MTO1: variants seen among roughly 807,000 people sequenced by gnomAD.
MTO1 encodes mitochondrial tRNA translation optimization 1.
Under a neutral mutation model 71.6 loss-of-function variants are expected in MTO1, and 46 were observed. The observed-to-expected ratio is 0.64, with a 90% CI of 0.51 to 0.82. The LOEUF is 0.82. Among genes scored for constraint, MTO1 ranks in the 40% least tolerant of loss-of-function variants. MTO1 has a pLI of 0.00. For missense variants in MTO1, 773 were observed against 867.5 expected, an observed-to-expected ratio of 0.89 and a Z score of 1.37; for synonymous variants, 297 against 312.1, an observed-to-expected ratio of 0.95 and a Z score of 0.51.
chr6:73,468,814 G>A (rs1771069096), intron 3 of MTO1, among the ~76,000 whole-genome samples: 1 of 151,864 alleles, frequency 6.6e-6, no homozygotes, highest in African/African-American at 2.4e-5. Context: ...TACCATGTTG[G>A]CCAGGCTGGT....
intron 3 of MTO1, among the ~76,000 whole-genome samples, chr6:73,469,098 T>C (rs895685326): frequency 6.6e-6 from 1 of 152,100 alleles, no homozygotes; most frequent in African/African-American, 2.4e-5. Context: ...AGCCTCCACC[T>C]CCCAGAGGTG....
chr6:73,497,987 CT>C, intron 11 of MTO1, 91 bp downstream of exon 11: 1 of 1,131,328 alleles, frequency 8.8e-7, no homozygotes, highest in Non-Finnish European at 1.2e-6. Flanking sequence ...GGCCATATAA[CT>C]AATGTTTTAT....
In MTO1 at chr6:73,461,787, C is replaced by G; in HGVS notation, c.-68C>G. ...GATGGCCGCGCCCTGCAGATTGTCTCTTGTTGCGTAAGTTTTTTTGACCGT... is the reference window on the plus strand; with the variant it reads ...GATGGCCGCGCCCTGCAGATTGTCTGTTGTTGCGTAAGTTTTTTTGACCGT... On this transcript the variant is annotated 5_prime_UTR_variant, in exon 1 of 12. Coordinates refer to ENST00000498286, the MANE Select transcript of MTO1 (RefSeq NM_012123.4). 1.3e-6 allele frequency: 2 copies of G among 1,530,850 alleles called. No individual in the cohort carries two copies. The highest frequency in any genetic ancestry group is 1.8e-6 in the Non-Finnish European group (2 of 1,114,474). The allele number at this position is 1,530,850 out of a possible 1,614,324, so 94.8% of individuals were successfully genotyped here. A position where few individuals can be genotyped will look rare whatever the true frequency, so the allele number is the denominator to read the frequency against.
At chr6:73,463,527 G>C (rs1392250446) in intron 1 of MTO1, among the ~76,000 whole-genome samples, 1 of 152,184 alleles carries the variant, frequency 6.6e-6, no homozygotes, top group African/African-American at 2.4e-5. Flanking sequence ...TTGCTTAGGA[G>C]CGAGCAGTAA....
intron 7 of MTO1, among the ~76,000 whole-genome samples, 169 bp from the exon 8 acceptor site, chr6:73,481,871 C>G (rs1426505723): frequency 6.6e-6 from 1 of 152,056 alleles, no homozygotes; most frequent in African/African-American, 2.4e-5. Flanking sequence ...GATATATTAC[C>G]CATATTCTAT....
chr6:73,473,015 C>T (rs1233362476), intron 3 of MTO1, among the ~76,000 whole-genome samples: 1 of 152,178 alleles, frequency 6.6e-6, no homozygotes, highest in Non-Finnish European at 1.5e-5. Flanking sequence ...GTGGCTCACG[C>T]CTGTAAGTAA....
chr6:73,482,395 A>G, intron 8 of MTO1, 54 bp from the exon 9 acceptor site: 1 of 1,570,574 alleles, frequency 6.4e-7, no homozygotes. Flanking sequence ...CTCTACAAAA[A>G]AATTTGCTTT....
Position 73,466,593 on chromosome 6 carries a change from T to G in MTO1, c.522T>G (p.Ser174Arg). ...AACACACTGGGAAATGCCGTGTCAG[T>G]GGGGTTGTTTTGGGTACGTATTGGT... ...EPEHTGKCRV[S>R]GVVLVDGSTV... The change falls in exon 3 of 12, where the codon AGT (serine) becomes AGG (arginine). Residue 174 changes from serine to arginine, a missense_variant. Physicochemically the swap from Ser to Arg is moderately radical, Grantham distance 110. Coordinates refer to ENST00000498286, the MANE Select transcript of MTO1 (RefSeq NM_012123.4). 6.2e-7 allele frequency: 1 copy of G among 1,613,912 alleles called. No individual in the cohort carries two copies. Among genetic ancestry groups the G allele is most frequent in the African/African-American group, 1.3e-5 (1 of 75,022 alleles).
chr6:73,468,694 A>G (rs1461459374), intron 3 of MTO1, among the ~76,000 whole-genome samples: 1 of 150,594 alleles, frequency 6.6e-6, no homozygotes, highest in Non-Finnish European at 1.5e-5. Flanking sequence ...TGCAACCTCC[A>G]TCTCCCAGGT....
intron 1 of MTO1, 163 bp downstream of exon 1, chr6:73,462,234 C>A (rs932739144): frequency 1.3e-6 from 1 of 743,160 alleles, no homozygotes; most frequent in Non-Finnish European, 2.2e-6. Flanking sequence ...ATCAGGCGGG[C>A]CAGGCCAGAA....
At chr6:73,478,573 C>T (rs1012777114) in intron 4 of MTO1, among the ~76,000 whole-genome samples, 1 of 152,142 alleles carries the variant, frequency 6.6e-6, no homozygotes, top group Admixed American at 6.6e-5. Flanking sequence ...CAGAGTCTTG[C>T]CCAGGCTAGA....
chr6:73,481,829 TCTGAAAACA>T (rs1771502384), intron 7 of MTO1, among the ~76,000 whole-genome samples: 2 of 152,096 alleles, frequency 1.3e-5, no homozygotes, highest in African/African-American at 2.4e-5. Context: ...GATGGATATC[TCTGAAAACA>T]ATGAATCATA....
chr6:73,468,278 C>T lies in MTO1; in HGVS notation c.535+1672C>T, dbSNP rs573244911. Among the ~76,000 whole-genome samples the T allele has an allele frequency of 3.1e-4, 47 of 151,918 alleles. 1 individual carries two copies. Among genetic ancestry groups the T allele is most frequent in the East Asian group, 9.8e-4 (5 of 5,128 alleles). On this transcript the variant is annotated intron_variant, in intron 3 of 11. Transcript: ENST00000498286. ...GGTTACAGGCGACTGCCACCATGCC[C>T]GGCTAATTTTTTGTATTTTTAGTAG...
intron 3 of MTO1, among the ~76,000 whole-genome samples, chr6:73,470,149 G>A (rs1332953770): frequency 6.6e-6 from 1 of 152,124 alleles, no homozygotes; most frequent in Admixed American, 6.6e-5. Context: ...GGTAAGAGAG[G>A]CTGTGCCAGG....
At chr6:73,475,914 G>A (rs1188536812) in intron 4 of MTO1, among the ~76,000 whole-genome samples, 2 of 152,130 alleles carry the variant, frequency 1.3e-5, no homozygotes, top group Non-Finnish European at 2.9e-5. Flanking sequence ...CTTTTGAAAC[G>A]ATATCAGGTG....
chr6:73,473,288 A>T, intron 3 of MTO1, 77 bp from the exon 4 acceptor site: 1 of 1,371,690 alleles, frequency 7.3e-7, no homozygotes. Context: ...AGATAGATAG[A>T]TAGATAGATA....
chr6:73,492,103 CAAAAAA>C, intron 9 of MTO1, 125 bp from the exon 10 acceptor site: 1 of 485,020 alleles, frequency 2.1e-6, no homozygotes. Context: ...GACTCCATCT[CAAAAAA>C]AAAAAAAAAG....
At position 73,492,676 on chromosome 6, in the gene MTO1, G is replaced by A. The variant is rs115573605; in HGVS notation, c.1756+324G>A. 1,768 of 230,632 alleles carry A rather than the reference G, an allele frequency of 7.7e-3. 29 individuals are homozygous for A. The highest frequency in any genetic ancestry group is 0.037 in the African/African-American group (1,652 of 44,716). 14.3% of individuals were successfully genotyped at this position (230,632 alleles called of 1,614,324 possible). ...AAAATACAAAAAATTAGCTGGATGT[G>A]AAGATACATGCCTGTAGTGCCAACT... On this transcript the variant is annotated intron_variant, in intron 10 of 11. Coordinates refer to ENST00000498286, the MANE Select transcript of MTO1 (RefSeq NM_012123.4).
chr6:73,498,079 G>A (rs1415084421), intron 11 of MTO1, among the ~76,000 whole-genome samples, 183 bp downstream of exon 11: 1 of 152,078 alleles, frequency 6.6e-6, no homozygotes, highest in African/African-American at 2.4e-5. Flanking sequence ...TGGGCATGGT[G>A]GCATGCACCT....
Sources: gnomAD v4.1 joint callset for allele counts (sites outside exome capture counted in the v4.1 genomes callset) on GRCh38, gnomAD v4.1.1 for gene constraint, MANE v1.5 for transcripts, NCBI Gene and HGNC (gene_info 2026-07-23, HGNC 2026-07-21) for gene names.